The following GSTO2 variants were observed in gnomAD, a reference collection of about 807,000 sequenced individuals.
GSTO2 encodes glutathione S-transferase omega 2.
In GSTO2, 23 loss-of-function variants were observed where a neutral mutation model predicts 28.4. The ratio of observed to expected loss-of-function variants is 0.81; its 90% CI spans 0.58 to 1.15. The LOEUF is 1.15. Ranked by LOEUF, GSTO2 falls within the 50% of genes most tolerant of loss-of-function variation. The probability of loss-of-function intolerance (pLI) is 0.00; values close to 1 mark genes in which losing one functional copy is unlikely to be tolerated. For missense variants in GSTO2, 298 were observed against 297.8 expected (o/e 1.00, Z 0.00); for synonymous variants, 109 against 111.0 (o/e 0.98, Z 0.11).
At chr10:104,287,106 T>C (rs1470512117) in intron 5 of GSTO2, among the ~76,000 whole-genome samples, 1 of 152,244 alleles carries the variant, frequency 6.6e-6, no homozygotes, top group Non-Finnish European at 1.5e-5. Context: ...CAGGCTGGAA[T>C]GCAGGGTGCA....
At position 104,274,945 on chromosome 10, in the gene GSTO2, GA is replaced by G; in HGVS notation, c.33del (p.Gly12GlufsTer12). On this transcript the variant is annotated frameshift_variant, in exon 2 of 7. Coordinates refer to ENST00000338595, the MANE Select transcript of GSTO2 (RefSeq NM_183239.2). LOFTEE classifies it high-confidence loss of function. Reference sequence around the variant, plus strand: ...CTGGGGATGCGACCAGGACCCTGGGGAAAGGTGAGTGCTCTCCATGGGGTCC... The same window carrying G: ...CTGGGGATGCGACCAGGACCCTGGGGAAGGTGAGTGCTCTCCATGGGGTCC... Reference protein sequence around the residue: MSGDATRTLGKGSQPPGPVPE... With the variant: MSGDATRTLGXGSQPPGPVPE... 1 of 1,601,402 alleles carries G rather than the reference GA, an allele frequency of 6.2e-7. No homozygotes were observed. The highest frequency in any genetic ancestry group is 1.1e-5 in the South Asian group (1 of 89,202).
intron 5 of GSTO2, among the ~76,000 whole-genome samples, chr10:104,292,602 G>A (rs76341125): frequency 6.6e-6 from 1 of 151,770 alleles, no homozygotes; most frequent in Non-Finnish European, 1.5e-5. Flanking sequence ...AGCTGGGACT[G>A]CAGGCACAGA....
At chr10:104,278,214 T>G (rs1283771554) in intron 4 of GSTO2, 98 bp downstream of exon 4, 9 of 866,802 alleles carry the variant, frequency 1.0e-5, no homozygotes, top group African/African-American at 1.7e-5. Flanking sequence ...GTGAAACTGT[T>G]TTGTTTTGAT....
rs1018659433 is a variant in GSTO2 at position 104,300,191 on chromosome 10, C to T, written c.*907C>T. On this transcript the variant is annotated 3_prime_UTR_variant, in exon 7 of 7. Transcript: ENST00000338595. The stretch of plus-strand genomic sequence containing the variant: ...CCGGTTTATCACCCAGGACTAACTA[C>T]GTCAGAATTTCACTGGTGCTGTCAG... 6 of 152,202 alleles carry T rather than the reference C, an allele frequency of 3.9e-5. No individual in the cohort carries two copies. The highest frequency in any genetic ancestry group is 1.9e-4 in the East Asian group (1 of 5,198). 9.4% of individuals were successfully genotyped at this position (152,202 alleles called of 1,614,324 possible).
intron 5 of GSTO2, among the ~76,000 whole-genome samples, chr10:104,288,830 T>C (rs1300120481): frequency 1.3e-5 from 2 of 152,216 alleles, no homozygotes; most frequent in Non-Finnish European, 2.9e-5. Flanking sequence ...ATTTTTGTTT[T>C]CTTTTGACTT....
At chr10:104,275,426 T>C (rs575853858) in intron 3 of GSTO2, 92 bp downstream of exon 3, 38 of 1,133,526 alleles carry the variant, frequency 3.4e-5, no homozygotes, top group Non-Finnish European at 4.7e-5. Flanking sequence ...GCTCAGCTTT[T>C]ACAAGGGGCT....
chr10:104,270,162 C>T (rs1050697264), intron 1 of GSTO2, among the ~76,000 whole-genome samples: 3 of 151,860 alleles, frequency 2.0e-5, no homozygotes, highest in South Asian at 2.1e-4. Flanking sequence ...TACAGGCGCC[C>T]GCCACCGCGC....
At chr10:104,285,276 T>C (rs751266595) in intron 5 of GSTO2, among the ~76,000 whole-genome samples, 57 of 152,252 alleles carry the variant, frequency 3.7e-4, no homozygotes, top group Non-Finnish European at 5.7e-4. Context: ...TATTTTCTTT[T>C]CCTCTTTTAG....
chr10:104,274,660 T>G, intron 1 of GSTO2, 25 bp from the exon 2 acceptor site: 1 of 567,290 alleles, frequency 1.8e-6, no homozygotes, highest in Non-Finnish European at 3.1e-6. Context: ...CTGGTGTTAT[T>G]TTGTCTTGTT....
rs1219837217 is a variant in GSTO2, at chr10:104,301,511, A to G, written c.*2227A>G. On this transcript the variant is annotated 3_prime_UTR_variant, in exon 7 of 7. Transcript: ENST00000338595. ...GTCACTTGTCTGACCCACAGAGAAAACTGAGTTATCAATCTTTGAATAAAA... is the reference window on the plus strand; with the variant it reads ...GTCACTTGTCTGACCCACAGAGAAAGCTGAGTTATCAATCTTTGAATAAAA... 6.6e-6 allele frequency: 1 copy of G among 152,232 alleles called. No individual in the cohort carries two copies. Among genetic ancestry groups the G allele is most frequent in the African/African-American group, 2.4e-5 (1 of 41,450 alleles). The allele number at this position is 152,232 out of a possible 1,614,324, so 9.4% of individuals were successfully genotyped here.
intron 5 of GSTO2, among the ~76,000 whole-genome samples, chr10:104,293,389 C>A (rs1328839922): frequency 1.3e-5 from 2 of 152,036 alleles, no homozygotes; most frequent in Admixed American, 1.3e-4. Context: ...AAAGAATTCA[C>A]AAGAGACTTG....
chr10:104,289,032 G>A (rs950913793), intron 5 of GSTO2, among the ~76,000 whole-genome samples: 1 of 152,074 alleles, frequency 6.6e-6, no homozygotes, highest in Admixed American at 6.5e-5. Flanking sequence ...ACATTTGACT[G>A]GTCAAGCATT....
At position 104,280,165 on chromosome 10, in the gene GSTO2, C is replaced by CAAAA. The variant is rs56803318; in HGVS notation, c.468+717_468+720dup. Reference sequence around the variant, plus strand: ...TGGGTGACAGAGTAAGTAGGACTGACAAAAAAAAAAAAAAAAAAAAAAAAA... The same window carrying CAAAA: ...TGGGTGACAGAGTAAGTAGGACTGACAAAAAAAAAAAAAAAAAAAAAAAAAAAAA... On this transcript the variant is annotated intron_variant, in intron 5 of 6. Coordinates refer to ENST00000338595, the MANE Select transcript of GSTO2 (RefSeq NM_183239.2). Among the ~76,000 whole-genome samples, 6 of 57,072 alleles carry CAAAA rather than the reference C, an allele frequency of 1.1e-4. 1 individual carries two copies. Among genetic ancestry groups the CAAAA allele is most frequent in the Non-Finnish European group, 1.3e-4 (4 of 29,650 alleles). 37.4% of individuals were successfully genotyped at this position (57,072 alleles called of 152,430 possible). A position where few individuals can be genotyped will look rare whatever the true frequency, so the allele number is the denominator to read the frequency against.
rs966452191 is a variant in GSTO2 at position 104,303,735 on chromosome 10, T to C, written c.*4451T>C. ...AAATGGGGAAAAGGCCTTGAAGGCA[T>C]TTCAGAGACCTTTGTGGCAGCCCCT... On this transcript the variant is annotated 3_prime_UTR_variant, in exon 7 of 7. Transcript: ENST00000338595. The C allele has an allele frequency of 6.6e-6, 1 of 152,212 alleles. No individual in the cohort carries two copies. The highest frequency in any genetic ancestry group is 2.4e-5 in the African/African-American group (1 of 41,452). The allele number at this position is 152,212 out of a possible 1,614,324, so 9.4% of individuals were successfully genotyped here. A position where few individuals can be genotyped will look rare whatever the true frequency, so the allele number is the denominator to read the frequency against.
chr10:104,299,121 C>CTT lies in GSTO2; in HGVS notation c.576-6_576-5dup. ...CACTGTGCTGACGCTTCTTTCCTGT[C>CTT]TTGCAGCTGTGTGAGCCACACGCCA... is the stretch of plus-strand genomic sequence containing the variant. On this transcript the variant is annotated splice_polypyrimidine_tract_variant and splice_region_variant and intron_variant, in intron 6 of 6. Coordinates refer to ENST00000338595, the MANE Select transcript of GSTO2 (RefSeq NM_183239.2). 6.2e-7 allele frequency: 1 copy of CTT among 1,612,460 alleles called. No individual in the cohort carries two copies. Among genetic ancestry groups the CTT allele is most frequent in the Non-Finnish European group, 8.5e-7 (1 of 1,179,112 alleles).
chr10:104,273,894 A>T (rs1036435343), intron 1 of GSTO2, among the ~76,000 whole-genome samples: 3 of 152,266 alleles, frequency 2.0e-5, no homozygotes, highest in African/African-American at 7.2e-5. Context: ...TATGAGTGAG[A>T]CACAGAAAAT....
rs1257602435 is a variant in GSTO2, at chr10:104,301,714, T to G, written c.*2430T>G. 2 of 152,190 alleles carry G rather than the reference T, an allele frequency of 1.3e-5. No homozygotes were observed. 9.4% of individuals were successfully genotyped at this position (152,190 alleles called of 1,614,324 possible). On this transcript the variant is annotated 3_prime_UTR_variant, in exon 7 of 7. Transcript: ENST00000338595. ...TATCTTGTGTCCTAGAGATAACCAC[T>G]TTTAGTAATTGGTGTCTACCTTTTT...
At position 104,301,455 on chromosome 10, in the gene GSTO2, C is replaced by T. The variant is rs898256221; in HGVS notation, c.*2171C>T. On this transcript the variant is annotated 3_prime_UTR_variant, in exon 7 of 7. Coordinates refer to ENST00000338595, the MANE Select transcript of GSTO2 (RefSeq NM_183239.2). ...TTTACCAGGGTCCTGGTCACCTGCA[C>T]ATCCTTACACTTCCTCCATCTCGCT... 1.6e-4 allele frequency: 25 copies of T among 152,208 alleles called. No individual in the cohort carries two copies. The highest frequency in any genetic ancestry group is 3.2e-4 in the Non-Finnish European group (22 of 68,048). 9.4% of individuals were successfully genotyped at this position (152,208 alleles called of 1,614,324 possible).
At chr10:104,288,087 T>C (rs923556226) in intron 5 of GSTO2, among the ~76,000 whole-genome samples, 1 of 152,050 alleles carries the variant, frequency 6.6e-6, no homozygotes, top group Admixed American at 6.5e-5. Context: ...AGATGGGGTT[T>C]CACTGTGTTA....
Sources: gnomAD v4.1 joint callset for allele counts (sites outside exome capture counted in the v4.1 genomes callset) on GRCh38, gnomAD v4.1.1 for gene constraint, MANE v1.5 for transcripts, NCBI Gene and HGNC (gene_info 2026-07-23, HGNC 2026-07-21) for gene names.